The following NINJ2 variants were observed in gnomAD, a reference collection of about 807,000 sequenced individuals.
NINJ2 encodes ninjurin-2.
NINJ2 carries 12 observed loss-of-function variants against 11.7 expected under a neutral mutation model. The ratio of observed to expected loss-of-function variants is 1.02; its 90% confidence interval spans 0.66 to 1.66. The LOEUF is 1.66. Ranked by LOEUF, NINJ2 falls within the 40% of genes most tolerant of loss-of-function variation. The pLI, the probability that NINJ2 is intolerant of heterozygous loss-of-function variation, is 0.00. For synonymous variants in NINJ2, 93 were observed against 76.8 expected, an observed-to-expected ratio of 1.21 and a Z score of -1.10; for missense variants, 187 against 181.8, an observed-to-expected ratio of 1.03 and a Z score of -0.16.
Position 614,982 on chromosome 12 carries a change from G to A in NINJ2, c.33+48346C>T, listed in dbSNP as rs1011198464. Reference sequence around the variant, plus strand: ...GCTTCCATTTAGCGCACAAGCCCACGTCCCTGACACCAGCCACAGGAGGAT... The same window carrying A: ...GCTTCCATTTAGCGCACAAGCCCACATCCCTGACACCAGCCACAGGAGGAT... On this transcript the variant is annotated intron_variant, in intron 1 of 3. Coordinates refer to ENST00000305108, the MANE Select transcript of NINJ2 (RefSeq NM_016533.6). This position sits in a 1 kb window ranked among gnomAD's most constrained non-coding sequence, Gnocchi z 5.1. Among the ~76,000 whole-genome samples, 9 of 152,146 alleles carry A rather than the reference G, an allele frequency of 5.9e-5. No individual in the cohort carries two copies. The highest frequency in any genetic ancestry group is 1.2e-4 in the Non-Finnish European group (8 of 68,042).
chr12:661,231 A>T (rs912691722), intron 1 of NINJ2, among the ~76,000 whole-genome samples: 6 of 152,092 alleles, frequency 3.9e-5, no homozygotes, highest in African/African-American at 1.4e-4. Flanking sequence ...GGTGCATGCC[A>T]CCATGCCTAG....
At chr12:584,287 C>T (rs1364347080) in intron 1 of NINJ2, among the ~76,000 whole-genome samples, 1 of 152,196 alleles carries the variant, frequency 6.6e-6, no homozygotes, top group African/African-American at 2.4e-5. Flanking sequence ...CACCTTTAAT[C>T]CCAGCACTTA....
chr12:570,722 C>T (rs1305838122), intron 1 of NINJ2, among the ~76,000 whole-genome samples: 2 of 151,708 alleles, frequency 1.3e-5, no homozygotes, highest in African/African-American at 2.4e-5. Flanking sequence ...AGAGCTGGTC[C>T]GGGTGGGCTG....
At chr12:573,597 A>G (rs1336469062) in intron 1 of NINJ2, among the ~76,000 whole-genome samples, 1 of 151,874 alleles carries the variant, frequency 6.6e-6, no homozygotes, top group Non-Finnish European at 1.5e-5. Context: ...AAAACAGAAA[A>G]ACAAAAAACA....
At chr12:622,043 A>G (rs1347740896) in intron 1 of NINJ2, among the ~76,000 whole-genome samples, 1 of 150,300 alleles carries the variant, frequency 6.7e-6, no homozygotes, top group African/African-American at 2.5e-5. Flanking sequence ...AACTGCTTGA[A>G]CCTGGGAGGC....
intron 1 of NINJ2, among the ~76,000 whole-genome samples, chr12:647,125 C>T (rs767800949): frequency 5.9e-5 from 9 of 152,200 alleles, no homozygotes; most frequent in African/African-American, 1.7e-4. Context: ...TGTTCCTTCT[C>T]TTCCACCCCT....
intron 1 of NINJ2, among the ~76,000 whole-genome samples, chr12:616,928 G>A (rs149383604): frequency 0.011 from 1,672 of 152,292 alleles, 29 homozygotes; most frequent in African/African-American, 0.038. Context: ...GTGCTCAGCC[G>A]GGCGCAGTGG....
chr12:566,069 A>C lies in NINJ2; in HGVS notation c.143T>G (p.Met48Arg). ...LDVALFMSNA[M>R]RLKAVLEQGP... ...CTGCTCCAGCACCGCCTTCAGCCGCATGGCGTTGGACATGAACAGGGCCAC... is the reference window on the plus strand; with the variant it reads ...CTGCTCCAGCACCGCCTTCAGCCGCCTGGCGTTGGACATGAACAGGGCCAC... Residue 48 changes from methionine to arginine, a missense_variant, in exon 2 of 4, where the codon ATG becomes AGG. Physicochemically the swap from Met to Arg is moderately conservative, Grantham distance 91. Coordinates refer to ENST00000305108, the MANE Select transcript of NINJ2 (RefSeq NM_016533.6). 6.2e-7 allele frequency: 1 copy of C among 1,614,156 alleles called. No individual in the cohort carries two copies. The highest frequency in any genetic ancestry group is 8.5e-7 in the Non-Finnish European group (1 of 1,180,014).
At chr12:649,384 A>G (rs1304458129) in intron 1 of NINJ2, among the ~76,000 whole-genome samples, 1 of 152,112 alleles carries the variant, frequency 6.6e-6, no homozygotes. Flanking sequence ...ATATTCAGAT[A>G]CAAAAAATAA....
At chr12:595,114 A>C (rs1167620199) in intron 1 of NINJ2, among the ~76,000 whole-genome samples, 1 of 152,230 alleles carries the variant, frequency 6.6e-6, no homozygotes, top group Non-Finnish European at 1.5e-5. Context: ...ATTGTGCTGT[A>C]ATAACTGGAC....
At chr12:584,543 C>T (rs1202797564) in intron 1 of NINJ2, among the ~76,000 whole-genome samples, 1 of 152,064 alleles carries the variant, frequency 6.6e-6, no homozygotes, top group Admixed American at 6.6e-5. Context: ...TGGTGGCACC[C>T]GCCTGTAATC....
chr12:632,335 G>C (rs781475924), intron 1 of NINJ2: 1 of 152,178 alleles, frequency 6.6e-6, no homozygotes, highest in Non-Finnish European at 1.5e-5. Flanking sequence ...AACCAAACAC[G>C]GTAGCCGTTT....
At chr12:592,443 G>T (rs1484612960) in intron 1 of NINJ2, among the ~76,000 whole-genome samples, 3 of 152,228 alleles carry the variant, frequency 2.0e-5, no homozygotes, top group Non-Finnish European at 4.4e-5. Flanking sequence ...GCTCACTCCT[G>T]TAATCCCAGC....
At chr12:595,859 T>C (rs1947777800) in intron 1 of NINJ2, among the ~76,000 whole-genome samples, 1 of 152,144 alleles carries the variant, frequency 6.6e-6, no homozygotes, top group Non-Finnish European at 1.5e-5. Context: ...TTTGAAAAAA[T>C]AGGCCAAAGA....
chr12:610,480 G>T, intron 1 of NINJ2: 2 of 1,531,692 alleles, frequency 1.3e-6, no homozygotes, highest in Non-Finnish European at 8.7e-7. Flanking sequence ...AAGGGTCAGC[G>T]AGCACAGCCT....
intron 1 of NINJ2, among the ~76,000 whole-genome samples, chr12:592,962 A>C (rs1947735972): frequency 6.6e-6 from 1 of 152,226 alleles, no homozygotes; most frequent in South Asian, 2.1e-4. Context: ...GATTGAGTAA[A>C]TGAAACTATG....
intron 1 of NINJ2, among the ~76,000 whole-genome samples, chr12:568,726 C>T (rs914309472): frequency 1.3e-5 from 2 of 152,220 alleles, no homozygotes; most frequent in African/African-American, 4.8e-5. Flanking sequence ...CTGGACGGGG[C>T]AGGACTCACA....
chr12:567,881 G>T (rs986672878), intron 1 of NINJ2, among the ~76,000 whole-genome samples: 10 of 152,178 alleles, frequency 6.6e-5, no homozygotes, highest in African/African-American at 2.2e-4. Flanking sequence ...GGTGTCACAC[G>T]CCTGTAATCC....
At chr12:661,738 A>G (rs1272441990) in intron 1 of NINJ2, among the ~76,000 whole-genome samples, 1 of 152,242 alleles carries the variant, frequency 6.6e-6, no homozygotes, top group East Asian at 1.9e-4. Context: ...CAAGAACTAG[A>G]AGTAAGAAGA....
Sources: gnomAD v4.1 joint callset for allele counts (sites outside exome capture counted in the v4.1 genomes callset) on GRCh38, gnomAD v4.1.1 for gene constraint, Gnocchi (gnomAD v3.1) non-coding constraint, MANE v1.5 for transcripts, NCBI Gene and HGNC (gene_info 2026-07-23, HGNC 2026-07-21) for gene names.